The following PLEKHM1 variants were observed in gnomAD, a reference collection of about 807,000 sequenced individuals.
PLEKHM1 encodes pleckstrin homology and RUN domain containing M1, also known as pleckstrin homology domain-containing family M member 1.
PLEKHM1 carries 28 observed loss-of-function variants against 94.3 expected under a neutral mutation model. The ratio of observed to expected loss-of-function variants is 0.30; its 90% CI spans 0.22 to 0.41. PLEKHM1 has a LOEUF of 0.41. PLEKHM1 is among the 10% of genes least tolerant of loss of function. The pLI is 1.00. For synonymous variants in PLEKHM1, 424 were observed against 581.2 expected, an observed-to-expected ratio of 0.73 and a Z score of 3.89; for missense variants, 907 against 1,358.6, an observed-to-expected ratio of 0.67 and a Z score of 5.22.
intron 1 of PLEKHM1, among the ~76,000 whole-genome samples, chr17:45,483,673 G>A (rs1016998838): frequency 2.2e-4 from 34 of 152,294 alleles, no homozygotes; most frequent in Middle Eastern, 3.4e-3. Context: ...AATGGGCTCA[G>A]TTCTCTTTAC....
Position 45,454,101 on chromosome 17 carries a change from G to T in PLEKHM1, c.1751C>A (p.Ser584Tyr). 1 of 1,614,202 alleles carries T rather than the reference G, an allele frequency of 6.2e-7. No individual in the cohort carries two copies. The highest frequency in any genetic ancestry group is 1.1e-5 in the South Asian group (1 of 91,090). Reference sequence around the variant, plus strand: ...CCCATCACTATGGGCTGGCCCCACAGACTCACAGCGAAGCAGCGAGCAGTT... The same window carrying T: ...CCCATCACTATGGGCTGGCCCCACATACTCACAGCGAAGCAGCGAGCAGTT... ...VENCSLLRCE[S>Y]VGPAHSDGRF... is the part of the protein sequence containing the mutation. Residue 584 changes from serine to tyrosine, a missense_variant, in exon 7 of 12, where the codon TCT (serine) becomes TAT (tyrosine). Transcript: ENST00000430334.
At chr17:45,443,003 T>A (rs2050494193) in intron 9 of PLEKHM1, among the ~76,000 whole-genome samples, 1 of 152,214 alleles carries the variant, frequency 6.6e-6, no homozygotes, top group African/African-American at 2.4e-5. Context: ...GCCACTGGTG[T>A]GGCAACATGT....
chr17:45,488,418 C>T (rs573200593), intron 1 of PLEKHM1, among the ~76,000 whole-genome samples: 6 of 152,242 alleles, frequency 3.9e-5, no homozygotes, highest in African/African-American at 7.2e-5. Context: ...AAACAAGGCA[C>T]GGGGTAAGTA....
intron 5 of PLEKHM1, among the ~76,000 whole-genome samples, chr17:45,465,503 G>T (rs1294859654): frequency 6.6e-6 from 1 of 152,002 alleles, no homozygotes; most frequent in South Asian, 2.1e-4. Context: ...GAGGCCAGGA[G>T]TTTGAGACCA....
At chr17:45,488,324 T>G (rs10432034) in intron 1 of PLEKHM1, among the ~76,000 whole-genome samples, 2 of 152,108 alleles carry the variant, frequency 1.3e-5, no homozygotes, top group Non-Finnish European at 2.9e-5. Flanking sequence ...CCATTCACCA[T>G]TGTATTTCTA....
rs1432596963 is a variant in PLEKHM1, at chr17:45,444,376, A to G, written c.2837+1094T>C. ...GTGACCTGAGGACTAGGAAGCGTTT[A>G]TGACAGGCATGGAGAGGCCTAAGTC... On this transcript the variant is annotated intron_variant, in intron 9 of 11. Transcript: ENST00000430334. The surrounding 1 kb of genome is among the most constrained non-coding windows in gnomAD (Gnocchi z 5.0). 6.6e-6 allele frequency among the ~76,000 whole-genome samples: 1 copy of G among 152,160 alleles called. No individual in the cohort carries two copies. The highest frequency in any genetic ancestry group is 1.5e-5 in the Non-Finnish European group (1 of 68,012).
intron 3 of PLEKHM1, chr17:45,477,069 C>A (rs2051766333): frequency 6.6e-6 from 1 of 152,230 alleles, no homozygotes; most frequent in Non-Finnish European, 1.5e-5. Flanking sequence ...TTTAGTAGTC[C>A]TCAGAGGCAC....
At chr17:45,452,913 G>C (rs1342185160) in intron 7 of PLEKHM1, 2 of 257,726 alleles carry the variant, frequency 7.8e-6, no homozygotes, top group Non-Finnish European at 1.5e-5. Flanking sequence ...CATCATCACA[G>C]AAAGTTCTAT....
In PLEKHM1 at chr17:45,477,961, C is replaced by T. The variant is rs1377992159; in HGVS notation, c.235G>A (p.Ala79Thr). Residue 79 changes from alanine to threonine, a missense_variant, in exon 3 of 12, where the codon GCC becomes ACC. This residue lies in a region of PLEKHM1 where 176 missense variants were observed against 306.0 expected (regional missense o/e 0.58). Coordinates refer to ENST00000430334, the MANE Select transcript of PLEKHM1 (RefSeq NM_014798.3). The part of the protein sequence containing the change: ...AEAGGKRKKS[A>T]HQKPLPQPVF... ...GGCTGGGGCAGAGGCTTCTGGTGGGCACTTTTCTTCCTTTTTCCTCCGGCC... is the reference window on the plus strand; with the variant it reads ...GGCTGGGGCAGAGGCTTCTGGTGGGTACTTTTCTTCCTTTTTCCTCCGGCC... 2 of 1,613,834 alleles carry T rather than the reference C, an allele frequency of 1.2e-6. No individual in the cohort carries two copies. Among genetic ancestry groups the T allele is most frequent in the Non-Finnish European group, 1.7e-6 (2 of 1,179,952 alleles).
chr17:45,470,104 G>A (rs1386427543), intron 4 of PLEKHM1, among the ~76,000 whole-genome samples: 2 of 151,908 alleles, frequency 1.3e-5, no homozygotes, highest in South Asian at 2.1e-4. Context: ...TTTCAACATA[G>A]ACACCAACAC....
At position 45,454,224 on chromosome 17, in the gene PLEKHM1, C is replaced by T. The variant is rs376625341; in HGVS notation, c.1628G>A (p.Arg543Gln). The T allele has an allele frequency of 4.2e-5, 68 of 1,610,944 alleles. No homozygotes were observed. Among genetic ancestry groups the T allele is most frequent in the African/African-American group, 5.3e-5 (4 of 74,858 alleles). ...CTTCCAGATGCCCATTGCCCCCCGCCGCTCCACGGTGCCCAGCTTCATGAG... is the reference window on the plus strand; with the variant it reads ...CTTCCAGATGCCCATTGCCCCCCGCTGCTCCACGGTGCCCAGCTTCATGAG... ...RGLMKLGTVE[R>Q]RGAMGIWKEL... Residue 543 changes from arginine (R) to glutamine (Q), a missense_variant, in exon 7 of 12, where the codon CGG becomes CAG. By Grantham distance (43) the Arg-to-Gln change is conservative (BLOSUM62 1). Around this residue, in one of 3 missense-constraint regions of PLEKHM1, gnomAD observed 477 missense variants for 601.5 expected, o/e 0.79. Transcript: ENST00000430334.
At position 45,447,969 on chromosome 17, in the gene PLEKHM1, G is replaced by C. The variant is rs1031531951; in HGVS notation, c.2644-2306C>G. ...GCGCCACCACGCCCAGCTAATTTTTGTATTTTTTAGTAGAGACAGGGTTTC... is the reference window on the plus strand; with the variant it reads ...GCGCCACCACGCCCAGCTAATTTTTCTATTTTTTAGTAGAGACAGGGTTTC... On this transcript the variant is annotated intron_variant, in intron 8 of 11. Transcript: ENST00000430334. The C allele has an allele frequency of 2.0e-5, 3 of 148,354 alleles. No homozygotes were observed. The Admixed American group carries it at 2.1e-4, about 10-fold the overall frequency. The allele number at this position is 148,354 out of a possible 1,614,324, so 9.2% of individuals were successfully genotyped here.
intron 8 of PLEKHM1, among the ~76,000 whole-genome samples, chr17:45,447,017 T>C (rs1267769830): frequency 6.6e-6 from 1 of 152,220 alleles, no homozygotes; most frequent in Non-Finnish European, 1.5e-5. Flanking sequence ...CTGGAGCTTC[T>C]TTTTCATGGG....
intron 10 of PLEKHM1, 25 bp downstream of exon 10, chr17:45,440,138 G>C (rs757990721): frequency 6.2e-7 from 1 of 1,605,212 alleles, no homozygotes; most frequent in South Asian, 1.1e-5. Context: ...TAGAGGTCTG[G>C]GCGGGGGAAG....
chr17:45,466,060 AG>A (rs1485525527), intron 5 of PLEKHM1, among the ~76,000 whole-genome samples: 1 of 152,148 alleles, frequency 6.6e-6, no homozygotes, highest in Non-Finnish European at 1.5e-5. Context: ...AGGGTCCTAG[AG>A]CATTCATTTT....
At position 45,468,307 on chromosome 17, in the gene PLEKHM1, C is replaced by T. The variant is rs2051384932; in HGVS notation, c.1210G>A (p.Glu404Lys). 9 of 1,613,496 alleles carry T rather than the reference C, an allele frequency of 5.6e-6. No homozygotes were observed. The highest frequency in any genetic ancestry group is 2.2e-5 in the East Asian group (1 of 44,850). The change falls in exon 5 of 12, where the codon GAG (glutamate) becomes AAG (lysine). Residue 404 changes from glutamate (E) to lysine (K), a missense_variant. Coordinates refer to ENST00000430334, the MANE Select transcript of PLEKHM1 (RefSeq NM_014798.3). ...SGQQPSSTVS[E>K]TAREVGQGNG... is the part of the protein sequence containing the mutation. ...CCTTGGCCCACTTCTCTGGCTGTCT[C>T]GCTGACAGTACTAGAAGGCTGCTGG...
Position 45,468,208 on chromosome 17 carries a change from C to T in PLEKHM1, c.1308+1G>A. ...CCCCCTGAACGGCTTGCACCACTCA[C>T]CGGACTGGTGGGTGAGGAAACTACC... On this transcript the variant is annotated splice_donor_variant, in intron 5 of 11. Coordinates refer to ENST00000430334, the MANE Select transcript of PLEKHM1 (RefSeq NM_014798.3). LOFTEE classifies it high-confidence loss of function. 1.2e-6 allele frequency: 2 copies of T among 1,612,944 alleles called. No homozygotes were observed. The highest frequency in any genetic ancestry group is 1.7e-6 in the Non-Finnish European group (2 of 1,179,828).
intron 3 of PLEKHM1, 197 bp downstream of exon 3, chr17:45,477,703 C>A (rs1432009439): frequency 1.5e-6 from 1 of 649,784 alleles, no homozygotes; most frequent in East Asian, 2.8e-5. Context: ...GTCTCAAGAT[C>A]TGCTGGCACA....
At chr17:45,483,825 C>G (rs2052029983) in intron 1 of PLEKHM1, among the ~76,000 whole-genome samples, 1 of 152,114 alleles carries the variant, frequency 6.6e-6, no homozygotes, top group Non-Finnish European at 1.5e-5. Flanking sequence ...CTGACTCCAC[C>G]ACCAGCCCCC....
Sources: gnomAD v4.1 joint callset for allele counts (sites outside exome capture counted in the v4.1 genomes callset) on GRCh38, gnomAD v4.1.1 for gene constraint, gnomAD v4.1.1 regional missense constraint, Gnocchi (gnomAD v3.1) non-coding constraint, MANE v1.5 for transcripts, NCBI Gene and HGNC (gene_info 2026-07-23, HGNC 2026-07-21) for gene names.